PPP1R14C: variants seen among roughly 807,000 people sequenced by gnomAD.
PPP1R14C encodes the protein protein phosphatase 1 regulatory inhibitor subunit 14C, also known as protein phosphatase 1 regulatory subunit 14C.
PPP1R14C carries 16 observed loss-of-function variants against 20.4 expected under a neutral mutation model. The ratio of observed to expected loss-of-function variants is 0.78; its 90% CI spans 0.53 to 1.19. The LOEUF is 1.19. Among genes scored for constraint, PPP1R14C ranks in the 50% most tolerant of loss-of-function variants. The probability of loss-of-function intolerance (pLI) is 0.00; values close to 1 mark genes in which losing one functional copy is unlikely to be tolerated. For missense variants in PPP1R14C, 211 were observed against 220.1 expected, an observed-to-expected ratio of 0.96 and a Z score of 0.26; for synonymous variants, 91 against 91.0, an observed-to-expected ratio of 1.00 and a Z score of 0.00.
intron 3 of PPP1R14C, among the ~76,000 whole-genome samples, chr6:150,222,631 G>A (rs1441672973): frequency 1.3e-5 from 2 of 151,858 alleles, no homozygotes; most frequent in Non-Finnish European, 2.9e-5. Context: ...ACTCACCCCT[G>A]GCAACCACTG....
intron 1 of PPP1R14C, among the ~76,000 whole-genome samples, chr6:150,166,323 A>G (rs1160404744): frequency 1.3e-5 from 2 of 151,566 alleles, no homozygotes; most frequent in Non-Finnish European, 2.9e-5. Flanking sequence ...CTCATGATCT[A>G]CCCGCCTCGG....
chr6:150,241,105 G>A (rs1778426500), intron 3 of PPP1R14C, among the ~76,000 whole-genome samples: 1 of 152,132 alleles, frequency 6.6e-6, no homozygotes, highest in South Asian at 2.1e-4. Context: ...TAGAAACTTG[G>A]AACTTTCAGC....
At chr6:150,146,230 A>C (rs536320167) in intron 1 of PPP1R14C, among the ~76,000 whole-genome samples, 2 of 152,344 alleles carry the variant, frequency 1.3e-5, no homozygotes, top group African/African-American at 4.8e-5. Context: ...GAGAGGATTA[A>C]AAGGCTGCTT....
At chr6:150,144,165 T>G (rs67787552) in intron 1 of PPP1R14C, among the ~76,000 whole-genome samples, 14,378 of 152,196 alleles carry the variant, frequency 0.094, 827 homozygotes, top group Middle Eastern at 0.14. Flanking sequence ...TTACTCCCAT[T>G]GATGGGCGCA....
chr6:150,242,329 G>A (rs936844209), intron 3 of PPP1R14C, among the ~76,000 whole-genome samples: 4 of 38,746 alleles, frequency 1.0e-4, no homozygotes, highest in Non-Finnish European at 1.8e-4. Context: ...GAAAAGAAAT[G>A]TACAGACAAG....
chr6:150,218,225 A>T (rs1778119512), intron 3 of PPP1R14C, among the ~76,000 whole-genome samples: 2 of 152,068 alleles, frequency 1.3e-5, no homozygotes, highest in Non-Finnish European at 2.9e-5. Flanking sequence ...AACACGGTGA[A>T]ACCCCGTCTC....
intron 1 of PPP1R14C, among the ~76,000 whole-genome samples, chr6:150,183,470 G>T (rs1777644277): frequency 6.6e-6 from 1 of 152,106 alleles, no homozygotes; most frequent in South Asian, 2.1e-4. Context: ...TATGAACCTG[G>T]TTAACATCTG....
chr6:150,190,036 A>G (rs1355578989), intron 1 of PPP1R14C, among the ~76,000 whole-genome samples: 2 of 152,130 alleles, frequency 1.3e-5, no homozygotes, highest in Non-Finnish European at 2.9e-5. Flanking sequence ...TTGTAAGTTA[A>G]AGGTGAGAAA....
intron 1 of PPP1R14C, among the ~76,000 whole-genome samples, chr6:150,178,631 T>G (rs2839879): frequency 0.033 from 4,956 of 152,320 alleles, 159 homozygotes; most frequent in East Asian, 0.089. Flanking sequence ...TTTTGTTTTT[T>G]GGAATCATTA....
At chr6:150,232,664 T>C (rs1231924712) in intron 3 of PPP1R14C, among the ~76,000 whole-genome samples, 1 of 152,240 alleles carries the variant, frequency 6.6e-6, no homozygotes, top group Non-Finnish European at 1.5e-5. Context: ...TATTGGGCAG[T>C]CAGTTCAGTG....
intron 3 of PPP1R14C, among the ~76,000 whole-genome samples, chr6:150,218,664 T>C (rs1283597816): frequency 6.6e-6 from 1 of 152,112 alleles, no homozygotes; most frequent in Non-Finnish European, 1.5e-5. Context: ...TTTTTTTCTT[T>C]TAGAGACAGG....
At position 150,143,541 on chromosome 6, in the gene PPP1R14C, T is replaced by C; in HGVS notation, c.306+43T>C. ...TGGGAGGGTCGGGGACCTCTCTAGC[T>C]CCTCTGTGCCCGCGCAGTAATTTTC... On this transcript the variant is annotated intron_variant, in intron 1 of 3. Transcript: ENST00000361131. The surrounding 1 kb of genome is among the most constrained non-coding windows in gnomAD (Gnocchi z 5.6). 1.5e-6 allele frequency: 2 copies of C among 1,338,642 alleles called. No homozygotes were observed. Among genetic ancestry groups the C allele is most frequent in the South Asian group, 1.3e-5 (1 of 76,714 alleles). The allele number at this position is 1,338,642 out of a possible 1,614,324, so 82.9% of individuals were successfully genotyped here.
At chr6:150,144,201 C>T (rs1164800808) in intron 1 of PPP1R14C, among the ~76,000 whole-genome samples, 1 of 152,204 alleles carries the variant, frequency 6.6e-6, no homozygotes, top group Non-Finnish European at 1.5e-5. Flanking sequence ...GCAACCTCGA[C>T]GGGTGCCTCG....
At chr6:150,148,623 G>A (rs963652476) in intron 1 of PPP1R14C, among the ~76,000 whole-genome samples, 1 of 152,174 alleles carries the variant, frequency 6.6e-6, no homozygotes. Context: ...TAGCGCTCAA[G>A]CTGGAAGGTA....
At chr6:150,152,586 C>T (rs1262961292) in intron 1 of PPP1R14C, among the ~76,000 whole-genome samples, 4 of 152,124 alleles carry the variant, frequency 2.6e-5, no homozygotes, top group African/African-American at 4.8e-5. Flanking sequence ...CCTCCACCCC[C>T]TCCCCTGCCC....
At chr6:150,245,458 C>T (rs556653329) in intron 3 of PPP1R14C, among the ~76,000 whole-genome samples, 54 of 152,290 alleles carry the variant, frequency 3.5e-4, no homozygotes, top group African/African-American at 1.2e-3. Flanking sequence ...CCCAGCCCTC[C>T]GCCACAGTCA....
At chr6:150,146,068 A>G (rs1480748406) in intron 1 of PPP1R14C, among the ~76,000 whole-genome samples, 1 of 152,226 alleles carries the variant, frequency 6.6e-6, no homozygotes, top group Non-Finnish European at 1.5e-5. Flanking sequence ...TTGTATGAGA[A>G]TAATGTCATA....
chr6:150,226,229 G>A (rs1778228830), intron 3 of PPP1R14C, among the ~76,000 whole-genome samples: 1 of 152,206 alleles, frequency 6.6e-6, no homozygotes, highest in Non-Finnish European at 1.5e-5. Flanking sequence ...TGAGTGATTA[G>A]TAAGAATGGT....
chr6:150,186,010 C>A (rs542811573), intron 1 of PPP1R14C, among the ~76,000 whole-genome samples: 28 of 152,278 alleles, frequency 1.8e-4, no homozygotes, highest in Non-Finnish European at 3.1e-4. Context: ...AGAGGGGCAG[C>A]AAAGCCCAGC....
Sources: gnomAD v4.1 joint callset for allele counts (sites outside exome capture counted in the v4.1 genomes callset) on GRCh38, gnomAD v4.1.1 for gene constraint, Gnocchi (gnomAD v3.1) non-coding constraint, MANE v1.5 for transcripts, NCBI Gene and HGNC (gene_info 2026-07-23, HGNC 2026-07-21) for gene names.